POU6F2: variants seen among roughly 807,000 people sequenced by gnomAD.
The protein encoded by POU6F2 is POU domain, class 6, transcription factor 2.
Under a neutral mutation model 71.3 loss-of-function variants are expected in POU6F2, and 31 were observed. The observed-to-expected ratio is 0.43, with a 90% CI of 0.33 to 0.59. POU6F2 has a LOEUF of 0.59. Ranked by LOEUF, POU6F2 falls within the 20% of genes least tolerant of loss-of-function variation. POU6F2 has a pLI of 0.04. For missense variants in POU6F2, 783 were observed against 856.8 expected (o/e 0.91, Z 1.07); for synonymous variants, 347 against 355.7 (o/e 0.98, Z 0.27).
At chr7:39,459,768 T>C (rs1788901487) in intron 8 of POU6F2, among the ~76,000 whole-genome samples, 3 of 152,088 alleles carry the variant, frequency 2.0e-5, no homozygotes, top group African/African-American at 7.3e-5. Context: ...TACGCTTTCA[T>C]TTATCCAGGG....
chr7:39,409,272 G>A lies in POU6F2; in HGVS notation c.1113+2532G>A, dbSNP rs138827589. Among the ~76,000 whole-genome samples the A allele has an allele frequency of 2.5e-3, 375 of 152,276 alleles. 2 individuals carry two copies. Among genetic ancestry groups the A allele is most frequent in the African/African-American group, 8.0e-3 (333 of 41,550 alleles). On this transcript the variant is annotated intron_variant, in intron 6 of 9. Transcript: ENST00000518318. ...TGGAAGTTCACCCAAGAGTAATCAC[G>A]TTAAAACCTAAACCTAAGTGTGGAA...
chr7:39,326,327 G>A (rs927195384), intron 4 of POU6F2, among the ~76,000 whole-genome samples: 2 of 152,220 alleles, frequency 1.3e-5, no homozygotes, highest in Non-Finnish European at 2.9e-5. Context: ...TCCAAGGAGA[G>A]TCCCATTGTT....
At chr7:39,459,620 A>G (rs1338187872) in intron 8 of POU6F2, among the ~76,000 whole-genome samples, 1 of 152,148 alleles carries the variant, frequency 6.6e-6, no homozygotes, top group Non-Finnish European at 1.5e-5. Context: ...GAAGAGAAAA[A>G]CTTTTCACCT....
rs115810207 is a variant in POU6F2 at position 39,019,934 on chromosome 7, A to G, written c.105+41876A>G. ...TTGATTCTTTTGGGGTTTTGTTACA[A>G]TTTTTCTCAGAATCTGGTAACTGTT... On this transcript the variant is annotated intron_variant, in intron 1 of 9. Transcript: ENST00000518318. Among the ~76,000 whole-genome samples the G allele has an allele frequency of 9.4e-3, 1,435 of 152,040 alleles. 26 individuals carry two copies. Among genetic ancestry groups the G allele is most frequent in the African/African-American group, 0.032 (1,342 of 41,474 alleles).
At chr7:39,420,279 A>G (rs987629707) in intron 6 of POU6F2, among the ~76,000 whole-genome samples, 6 of 152,248 alleles carry the variant, frequency 3.9e-5, no homozygotes, top group Non-Finnish European at 7.3e-5. Context: ...AAAGGGTAAC[A>G]TTACTGAAAG....
intron 2 of POU6F2, among the ~76,000 whole-genome samples, chr7:39,157,433 T>C (rs893677939): frequency 1.3e-5 from 2 of 152,132 alleles, no homozygotes; most frequent in Non-Finnish European, 2.9e-5. Context: ...TTATTATCGA[T>C]TTTTTAAAAA....
At chr7:39,268,182 G>A (rs1784283208) in intron 4 of POU6F2, among the ~76,000 whole-genome samples, 2 of 152,158 alleles carry the variant, frequency 1.3e-5, no homozygotes, top group Non-Finnish European at 2.9e-5. Context: ...ACAGTCACGT[G>A]CCCAGATTGA....
intron 1 of POU6F2, among the ~76,000 whole-genome samples, chr7:39,027,420 A>G (rs62442161): frequency 0.17 from 25,512 of 152,082 alleles, 2,541 homozygotes; most frequent in Non-Finnish European, 0.23. Context: ...TCAAAACCCT[A>G]TTGCCCACAA....
At chr7:39,027,144 A>G (rs2893569) in intron 1 of POU6F2, among the ~76,000 whole-genome samples, 7,553 of 152,230 alleles carry the variant, frequency 0.05, 298 homozygotes, top group African/African-American at 0.095. Flanking sequence ...ACTACTTATG[A>G]AGATTATAGT....
At chr7:38,983,157 G>A (rs1042600919) in intron 1 of POU6F2, among the ~76,000 whole-genome samples, 6 of 152,156 alleles carry the variant, frequency 3.9e-5, no homozygotes, top group South Asian at 2.1e-4. Context: ...AAACATGAAA[G>A]GATCAGACTT....
chr7:39,127,703 C>T (rs1477331790), intron 2 of POU6F2, among the ~76,000 whole-genome samples: 8 of 151,764 alleles, frequency 5.3e-5, no homozygotes, highest in Admixed American at 2.6e-4. Context: ...GATTGAGTCA[C>T]GTGGAGATGT....
chr7:39,430,723 AC>A (rs1230089880), intron 6 of POU6F2, among the ~76,000 whole-genome samples: 1 of 152,104 alleles, frequency 6.6e-6, no homozygotes, highest in Non-Finnish European at 1.5e-5. Context: ...CTCTCAGGCT[AC>A]TTGCTCCCAC....
At chr7:39,078,740 A>G (rs1456153677) in intron 1 of POU6F2, among the ~76,000 whole-genome samples, 3 of 152,224 alleles carry the variant, frequency 2.0e-5, no homozygotes, top group African/African-American at 7.2e-5. Context: ...AGGCTGCCCC[A>G]GAGGAACAGA....
At position 39,152,854 on chromosome 7, in the gene POU6F2, G is replaced by A. The variant is rs1485657535; in HGVS notation, c.278-51381G>A. On this transcript the variant is annotated intron_variant, in intron 2 of 9. Coordinates refer to ENST00000518318, the MANE Select transcript of POU6F2 (RefSeq NM_001370959.1). ...ATTCTGAAACAGTTGGCCCTGGAAA[G>A]CTGACAACTTGATAAAATGTATCTT... Among the ~76,000 whole-genome samples the A allele has an allele frequency of 3.3e-5, 5 of 152,296 alleles. No homozygotes were observed. The East Asian group carries it at 5.8e-4, about 18-fold the overall frequency.
chr7:39,388,326 T>TC (rs1786991134), intron 5 of POU6F2, among the ~76,000 whole-genome samples: 1 of 61,282 alleles, frequency 1.6e-5, no homozygotes, highest in Non-Finnish European at 3.0e-5. Flanking sequence ...ATTTTCTTTC[T>TC]TTTTTTTGAG....
chr7:39,330,940 C>T (rs7786697), intron 4 of POU6F2, among the ~76,000 whole-genome samples: 37,818 of 152,036 alleles, frequency 0.25, 5,318 homozygotes, highest in East Asian at 0.67. Context: ...CCTCCCCTGA[C>T]CCTTCCCCAC....
rs746218918 is a variant in POU6F2, at chr7:39,433,148, G to A, written c.1185G>A (p.Leu395=). The A allele has an allele frequency of 6.2e-7, 1 of 1,613,808 alleles. No homozygotes were observed. Among genetic ancestry groups the A allele is most frequent in the South Asian group, 1.1e-5 (1 of 91,076 alleles). Residue 395 remains leucine (L), a synonymous_variant, in exon 7 of 10, where the codon TTG becomes TTA. Transcript: ENST00000518318. Reference sequence around the variant, plus strand: ...AAGCAGCAAGCGGCACTCAGGGCTTGCAAGTGCAGCCAATCACCCCCCAGC... The same window carrying A: ...AAGCAGCAAGCGGCACTCAGGGCTTACAAGTGCAGCCAATCACCCCCCAGC... The part of the protein sequence containing the change: ...SSQAASGTQG[L]QVQPITPQLL...
At chr7:39,020,777 GAT>G (rs1491492083) in intron 1 of POU6F2, among the ~76,000 whole-genome samples, 1 of 117,300 alleles carries the variant, frequency 8.5e-6, no homozygotes, top group African/African-American at 3.0e-5. Flanking sequence ...TTCTAGGTTA[GAT>G]TTTTTTTTTT....
rs1027354225 is a variant in POU6F2 at position 39,241,343 on chromosome 7, T to C, written c.598+33723T>C. ...GCTGTTCAATAAGTAAAAGAAAGAA[T>C]GAATGAATATAGAAACAAATGGCAT... is the stretch of plus-strand genomic sequence containing the variant. On this transcript the variant is annotated intron_variant, in intron 4 of 9. Coordinates refer to ENST00000518318, the MANE Select transcript of POU6F2 (RefSeq NM_001370959.1). Among the ~76,000 whole-genome samples the C allele has an allele frequency of 9.9e-5, 15 of 152,204 alleles. 1 individual carries two copies. Among genetic ancestry groups the C allele is most frequent in the South Asian group, 4.1e-4 (2 of 4,822 alleles).
Sources: gnomAD v4.1 joint callset for allele counts (sites outside exome capture counted in the v4.1 genomes callset) on GRCh38, gnomAD v4.1.1 for gene constraint, MANE v1.5 for transcripts, NCBI Gene and HGNC (gene_info 2026-07-23, HGNC 2026-07-21) for gene names.